GABRB1: variants seen among roughly 807,000 people sequenced by gnomAD.
GABRB1 encodes gamma-aminobutyric acid receptor subunit beta-1.
GABRB1 carries 17 observed loss-of-function variants against 51.6 expected under a neutral mutation model. The ratio of observed to expected loss-of-function variants is 0.33; its 90% CI spans 0.23 to 0.49. GABRB1 has a LOEUF of 0.49. Among genes scored for constraint, GABRB1 ranks in the 20% least tolerant of loss-of-function variants. The pLI is 0.99. For missense variants in GABRB1, 410 were observed against 600.6 expected, an observed-to-expected ratio of 0.68 and a Z score of 3.32; for synonymous variants, 247 against 218.9, an observed-to-expected ratio of 1.13 and a Z score of -1.14.
At chr4:47,198,235 T>C (rs1255172752) in intron 4 of GABRB1, among the ~76,000 whole-genome samples, 1 of 152,126 alleles carries the variant, frequency 6.6e-6, no homozygotes, top group East Asian at 1.9e-4. Context: ...TTGTGAAACA[T>C]GGGATAAACT....
chr4:47,074,566 T>C (rs1360699134), intron 3 of GABRB1, among the ~76,000 whole-genome samples: 3 of 152,194 alleles, frequency 2.0e-5, no homozygotes, highest in African/African-American at 7.2e-5. Context: ...TATAAAGTGC[T>C]TAGCATGTTG....
chr4:47,391,366 A>C (rs986388660), intron 5 of GABRB1, among the ~76,000 whole-genome samples: 1 of 152,190 alleles, frequency 6.6e-6, no homozygotes, highest in East Asian at 1.9e-4. Context: ...ATTGATCAGT[A>C]GTCATAGTCC....
At chr4:47,376,346 G>A (rs970320444) in intron 5 of GABRB1, among the ~76,000 whole-genome samples, 1 of 152,160 alleles carries the variant, frequency 6.6e-6, no homozygotes, top group Non-Finnish European at 1.5e-5. Context: ...AGGATCTGGC[G>A]GTTAAGAAGC....
intron 4 of GABRB1, among the ~76,000 whole-genome samples, chr4:47,195,677 T>C (rs1238485361): frequency 1.3e-5 from 2 of 152,186 alleles, no homozygotes; most frequent in Non-Finnish European, 2.9e-5. Context: ...AGAACAATAA[T>C]GTATTGATTT....
intron 4 of GABRB1, among the ~76,000 whole-genome samples, chr4:47,205,990 C>G (rs547856806): frequency 6.6e-6 from 1 of 151,858 alleles, no homozygotes; most frequent in Non-Finnish European, 1.5e-5. Context: ...ACAGGTTTAA[C>G]TACAAAAGAA....
chr4:47,211,004 A>G (rs1246659067), intron 4 of GABRB1, among the ~76,000 whole-genome samples: 1 of 152,194 alleles, frequency 6.6e-6, no homozygotes, highest in Non-Finnish European at 1.5e-5. Context: ...TAAGAGTTCT[A>G]TTCCCTAGAG....
At chr4:47,345,807 A>G (rs1156640305) in intron 5 of GABRB1, among the ~76,000 whole-genome samples, 1 of 152,170 alleles carries the variant, frequency 6.6e-6, no homozygotes, top group African/African-American at 2.4e-5. Context: ...TCAGCATCCC[A>G]AAGGGAAAAA....
intron 5 of GABRB1, among the ~76,000 whole-genome samples, chr4:47,349,666 C>T (rs1726235733): frequency 6.6e-6 from 1 of 152,088 alleles, no homozygotes; most frequent in African/African-American, 2.4e-5. Context: ...TCTCAGTTAT[C>T]AGATAAACAA....
At chr4:47,403,242 T>C in intron 5 of GABRB1, 76 bp from the exon 6 acceptor site, 1 of 1,542,254 alleles carries the variant, frequency 6.5e-7, no homozygotes, top group Non-Finnish European at 8.8e-7. Context: ...GCTGGGAATT[T>C]TTCCTCTAGC....
At chr4:47,363,598 CT>C (rs1417666667) in intron 5 of GABRB1, among the ~76,000 whole-genome samples, 1 of 152,104 alleles carries the variant, frequency 6.6e-6, no homozygotes, top group African/African-American at 2.4e-5. Flanking sequence ...ATCTGGTCCC[CT>C]GGTTACCATT....
intron 4 of GABRB1, among the ~76,000 whole-genome samples, chr4:47,274,516 A>G (rs755209564): frequency 1.3e-5 from 2 of 152,172 alleles, no homozygotes; most frequent in Non-Finnish European, 2.9e-5. Flanking sequence ...GCTATTGGAC[A>G]TAGAAGACTG....
chr4:47,252,011 T>G (rs1049184191), intron 4 of GABRB1, among the ~76,000 whole-genome samples: 3 of 152,078 alleles, frequency 2.0e-5, no homozygotes, highest in Admixed American at 2.0e-4. Flanking sequence ...CTGGGAGGCT[T>G]CTTGCCCCTT....
At chr4:47,138,353 G>A (rs1008064925) in intron 3 of GABRB1, among the ~76,000 whole-genome samples, 2 of 151,976 alleles carry the variant, frequency 1.3e-5, no homozygotes, top group South Asian at 2.1e-4. Context: ...TGATGTACAG[G>A]TATTTGTCCA....
intron 4 of GABRB1, among the ~76,000 whole-genome samples, chr4:47,242,335 C>T (rs536214764): frequency 1.4e-4 from 22 of 152,188 alleles, no homozygotes; most frequent in African/African-American, 4.1e-4. Context: ...TGTATAGTGC[C>T]GCAATAAACA....
At chr4:47,392,954 A>G (rs993512673) in intron 5 of GABRB1, among the ~76,000 whole-genome samples, 8 of 152,330 alleles carry the variant, frequency 5.3e-5, no homozygotes, top group African/African-American at 1.4e-4. Flanking sequence ...CCTTTGAGAA[A>G]GCTAACTACA....
At chr4:47,341,877 T>C (rs1178952958) in intron 5 of GABRB1, among the ~76,000 whole-genome samples, 2 of 152,194 alleles carry the variant, frequency 1.3e-5, no homozygotes, top group East Asian at 1.9e-4. Flanking sequence ...ACATCTGCCC[T>C]AAAAGATCTA....
At chr4:47,053,684 G>A (rs1726460374) in intron 3 of GABRB1, among the ~76,000 whole-genome samples, 1 of 152,168 alleles carries the variant, frequency 6.6e-6, no homozygotes, top group South Asian at 2.1e-4. Flanking sequence ...GTGACCATGG[G>A]TGACAAAGTC....
intron 3 of GABRB1, among the ~76,000 whole-genome samples, chr4:47,106,624 G>T (rs1714982399): frequency 6.6e-6 from 1 of 151,748 alleles, no homozygotes; most frequent in Admixed American, 6.6e-5. Flanking sequence ...ACTCTTGTTG[G>T]GTTTGGTCTA....
chr4:47,249,426 A>T (rs1377208334), intron 4 of GABRB1, among the ~76,000 whole-genome samples: 2 of 152,144 alleles, frequency 1.3e-5, no homozygotes, highest in African/African-American at 4.8e-5. Flanking sequence ...TTTATGACCT[A>T]TCATGTGGTC....
Sources: gnomAD v4.1 joint callset for allele counts (sites outside exome capture counted in the v4.1 genomes callset) on GRCh38, gnomAD v4.1.1 for gene constraint, MANE v1.5 for transcripts, NCBI Gene and HGNC (gene_info 2026-07-23, HGNC 2026-07-21) for gene names.